The following MUC5B variants were observed in gnomAD, a reference collection of about 807,000 sequenced individuals.
The protein encoded by MUC5B is mucin-5B.
Under a neutral mutation model 376.9 loss-of-function variants are expected in MUC5B, and 116 were observed. That is an observed-to-expected ratio of 0.31 (90% CI 0.26 to 0.36). MUC5B has a LOEUF of 0.36. MUC5B is among the 10% of genes least tolerant of loss of function. MUC5B has a pLI of 1.00. For missense variants in MUC5B, 7,165 were observed against 7,769.9 expected (o/e 0.92, Z 2.93); for synonymous variants, 3,517 against 3,390.9 (o/e 1.04, Z -1.29).
chr11:1,240,355 G>A lies in MUC5B; in HGVS notation c.3950G>A (p.Trp1317Ter), dbSNP rs1181462206. 1 of 1,602,904 alleles carries A rather than the reference G, an allele frequency of 6.2e-7. No homozygotes were observed. The highest frequency in any genetic ancestry group is 8.5e-7 in the Non-Finnish European group (1 of 1,172,282). The change falls in exon 30 of 49, where the codon TGG (tryptophan) becomes TAG (stop). Residue 1317 changes from tryptophan to a stop codon, truncating the protein, a stop_gained. Transcript: ENST00000529681. LOFTEE classifies it high-confidence loss of function. ...ACGCCATTCACCTTCACCACCGCCT[G>A]GGTCCCCCACTCCACGACAAGTAAG... is the stretch of plus-strand genomic sequence containing the variant. Reference protein sequence around the residue: ...ATTPFTFTTAWVPHSTTSPAL... With the variant: ...ATTPFTFTTA
chr11:1,258,481 T>C lies in MUC5B; in HGVS notation c.16593+114T>C. The C allele has an allele frequency of 7.9e-7, 1 of 1,269,140 alleles. No homozygotes were observed. The highest frequency in any genetic ancestry group is 1.1e-6 in the Non-Finnish European group (1 of 914,900). 78.6% of individuals were successfully genotyped at this position (1,269,140 alleles called of 1,614,324 possible). On this transcript the variant is annotated intron_variant, in intron 43 of 48. Transcript: ENST00000529681. This position sits in a 1 kb window ranked among gnomAD's most constrained non-coding sequence, Gnocchi z 5.5. ...TTGACATTCCTGCCCTGAGGGCCGATCCGCACAGGGGCCCTGGACACGTCA... is the reference window on the plus strand; with the variant it reads ...TTGACATTCCTGCCCTGAGGGCCGACCCGCACAGGGGCCCTGGACACGTCA...
rs1446203816 is a variant in MUC5B at position 1,241,150 on chromosome 11, G to T, written c.4270G>T (p.Val1424Phe). 3.1e-6 allele frequency: 5 copies of T among 1,607,486 alleles called. No homozygotes were observed. The highest frequency in any genetic ancestry group is 4.2e-6 in the Non-Finnish European group (5 of 1,177,242). The change falls in exon 31 of 49, where the codon GTT (valine) becomes TTT (phenylalanine). Residue 1424 changes from valine to phenylalanine, a missense_variant. Val to Phe is a conservative substitution (Grantham distance 50). Coordinates refer to ENST00000529681, the MANE Select transcript of MUC5B (RefSeq NM_002458.3). ...PPLCHDYELR[V>F]LCCEYVPCGP... ...GCTCTGTCACGACTACGAGCTGCGG[G>T]TTCTCTGCTGCGAATACGTGCCCTG... is the stretch of plus-strand genomic sequence containing the variant.
At chr11:1,260,844 G>A in intron 48 of MUC5B, 116 bp downstream of exon 48, 1 of 732,182 alleles carries the variant, frequency 1.4e-6, no homozygotes. Context: ...GCTCCAGGAA[G>A]GAGGGAAGGG....
chr11:1,235,078 C>G lies in MUC5B; in HGVS notation c.2631-7C>G, dbSNP rs1862124966. The G allele has an allele frequency of 3.7e-6, 6 of 1,607,974 alleles. No individual in the cohort carries two copies. Among genetic ancestry groups the G allele is most frequent in the Admixed American group, 1.7e-5 (1 of 59,622 alleles). On this transcript the variant is annotated splice_region_variant and splice_polypyrimidine_tract_variant and intron_variant, in intron 21 of 48. Coordinates refer to ENST00000529681, the MANE Select transcript of MUC5B (RefSeq NM_002458.3). ...CTGTGAGCAGGCACCATTGTGGCCC[C>G]TTGCAGCACCTGCAGGAACCGGAGG...
At position 1,239,902 on chromosome 11, in the gene MUC5B, C is replaced by G; in HGVS notation, c.3687C>G (p.Asp1229Glu). The change falls in exon 28 of 49, where the codon GAC becomes GAG. Residue 1229 changes from aspartate (D) to glutamate (E), a missense_variant. Asp to Glu is a conservative substitution (Grantham distance 45). This residue lies in a region of MUC5B where 517 missense variants were observed against 545.3 expected (regional missense o/e 0.95). Transcript: ENST00000529681. ...GCYDKDGNYY[D>E]VGARVPTAEN... ...ACGACAAGGACGGAAACTACTATGA[C>G]GTCGGTGCAAGGGTCCCCACAGCGG... 1 of 1,613,324 alleles carries G rather than the reference C, an allele frequency of 6.2e-7. No individual in the cohort carries two copies. Among genetic ancestry groups the G allele is most frequent in the Non-Finnish European group, 8.5e-7 (1 of 1,179,734 alleles).
At position 1,244,333 on chromosome 11, in the gene MUC5B, T is replaced by G; in HGVS notation, c.7453T>G (p.Ser2485Ala). Residue 2485 changes from serine to alanine, a missense_variant, in exon 31 of 49, where the codon TCC becomes GCC. Ser to Ala is a moderately conservative substitution (Grantham distance 99). This residue lies in a region of MUC5B where 194 missense variants were observed against 268.5 expected (regional missense o/e 0.72). Transcript: ENST00000529681. The stretch of plus-strand genomic sequence containing the variant: ...GCCCACCGGATCCACGGCCACCGCC[T>G]CCTCCACCCAGGCAACTGCTGGCAC... ...TVPTGSTATA[S>A]STQATAGTPH... 6.3e-7 allele frequency: 1 copy of G among 1,596,944 alleles called. No homozygotes were observed. Among genetic ancestry groups the G allele is most frequent in the Non-Finnish European group, 8.5e-7 (1 of 1,171,498 alleles).
intron 35 of MUC5B, 67 bp from the exon 36 acceptor site, chr11:1,254,974 G>A: frequency 1.1e-6 from 1 of 891,974 alleles, no homozygotes; most frequent in Non-Finnish European, 1.8e-6. Flanking sequence ...GAATGAGTGG[G>A]GGAGGGGGGT....
chr11:1,236,449 C>T lies in MUC5B; in HGVS notation c.2944C>T (p.Pro982Ser). 1.2e-6 allele frequency: 2 copies of T among 1,612,838 alleles called. No homozygotes were observed. Among genetic ancestry groups the T allele is most frequent in the African/African-American group, 1.3e-5 (1 of 75,050 alleles). Residue 982 changes from proline (P) to serine (S), a missense_variant, in exon 24 of 49, where the codon CCA becomes TCA. Physicochemically the swap from Pro to Ser is moderately conservative, Grantham distance 74. Around this residue, in one of 31 missense-constraint regions of MUC5B, gnomAD observed 530 missense variants for 604.0 expected, o/e 0.88. Coordinates refer to ENST00000529681, the MANE Select transcript of MUC5B (RefSeq NM_002458.3). ...GGTGGCGAGAGGGCCGGGTGGGGAC[C>T]CACCCTACAAGATACGCTACATGGG... is the stretch of plus-strand genomic sequence containing the variant. ...KAVARGPGGD[P>S]PYKIRYMGIF...
At position 1,229,221 on chromosome 11, in the gene MUC5B, C is replaced by A; in HGVS notation, c.1028C>A (p.Thr343Lys). ...CACCAGGAGTGTGGCTCACCCTGCA[C>A]GGACACCTGCTCCAACCCCCAGCGC... ...MQHQECGSPC[T>K]DTCSNPQRAQ... Residue 343 changes from threonine to lysine, a missense_variant, in exon 9 of 49, where the codon ACG becomes AAG. By Grantham distance (78) the Thr-to-Lys change is moderately conservative. Coordinates refer to ENST00000529681, the MANE Select transcript of MUC5B (RefSeq NM_002458.3). 1 of 1,600,030 alleles carries A rather than the reference C, an allele frequency of 6.2e-7. No individual in the cohort carries two copies. The highest frequency in any genetic ancestry group is 8.5e-7 in the Non-Finnish European group (1 of 1,176,424).
rs1270023419 is a variant in MUC5B at position 1,243,341 on chromosome 11, G to T, written c.6461G>T (p.Gly2154Val). The change falls in exon 31 of 49, where the codon GGG becomes GTG. Residue 2154 changes from glycine (G) to valine (V), a missense_variant. Transcript: ENST00000529681. The part of the protein sequence containing the change: ...GSTTNPSSTP[G>V]TTPIPPVLTT... Reference sequence around the variant, plus strand: ...ACCACCAACCCCTCCTCAACTCCTGGGACAACTCCCATCCCCCCAGTGCTG... The same window carrying T: ...ACCACCAACCCCTCCTCAACTCCTGTGACAACTCCCATCCCCCCAGTGCTG... 6.4e-7 allele frequency: 1 copy of T among 1,556,984 alleles called. No individual in the cohort carries two copies. Among genetic ancestry groups the T allele is most frequent in the Non-Finnish European group, 8.7e-7 (1 of 1,150,806 alleles).
chr11:1,251,092 C>T lies in MUC5B; in HGVS notation c.14212C>T (p.Leu4738=), dbSNP rs781388885. ...AAGGACTGCAACCACCCTTCCAGTG[C>T]TGACAAGCACAGCCACAAAATCCAC... ...SPRTATTLPV[L]TSTATKSTAT... is the part of the protein sequence containing the mutation. Residue 4738 remains leucine (L), a synonymous_variant, in exon 31 of 49, where the codon CTG becomes TTG. Transcript: ENST00000529681. The T allele has an allele frequency of 1.9e-6, 3 of 1,611,270 alleles. No homozygotes were observed. The highest frequency in any genetic ancestry group is 1.7e-6 in the Non-Finnish European group (2 of 1,178,294).
Position 1,223,175 on chromosome 11 carries a change from C to T in MUC5B, c.52C>T (p.Leu18Phe). Residue 18 changes from leucine (L) to phenylalanine (F), a missense_variant, in exon 1 of 49, where the codon CTC (leucine) becomes TTC (phenylalanine). Leu to Phe is a conservative substitution (Grantham distance 22). Coordinates refer to ENST00000529681, the MANE Select transcript of MUC5B (RefSeq NM_002458.3). ...GCTGGTGTTGGCTCTGGCGGCCATG[C>T]TCGTGGTGCCGCAGGCAGGTAAGAG... Reference protein sequence around the residue: ...RTLVLALAAMLVVPQAETQGP... With the variant: ...RTLVLALAAMFVVPQAETQGP... 1.4e-6 allele frequency: 1 copy of T among 710,952 alleles called. No individual in the cohort carries two copies. 44.0% of individuals were successfully genotyped at this position (710,952 alleles called of 1,614,324 possible).
At position 1,241,476 on chromosome 11, in the gene MUC5B, G is replaced by C. The variant is rs748939117; in HGVS notation, c.4596G>C (p.Lys1532Asn). The change falls in exon 31 of 49, where the codon AAG (lysine) becomes AAC (asparagine). Residue 1532 changes from lysine (K) to asparagine (N), a missense_variant. By Grantham distance (94) the Lys-to-Asn change is moderately conservative (BLOSUM62 0). Coordinates refer to ENST00000529681, the MANE Select transcript of MUC5B (RefSeq NM_002458.3). ...QLGGDVESYD[K>N]IRAAGGHLCQ... The stretch of plus-strand genomic sequence containing the variant: ...GAGGGGACGTTGAGTCCTACGATAA[G>C]ATCAGGGCCGCTGGAGGGCACTTAT... 1.2e-6 allele frequency: 2 copies of C among 1,613,646 alleles called. No homozygotes were observed. Among genetic ancestry groups the C allele is most frequent in the South Asian group, 2.2e-5 (2 of 91,070 alleles).
Position 1,248,582 on chromosome 11 carries a change from G to C in MUC5B, c.11702G>C (p.Gly3901Ala). ...ISTTTTPTTSGSTVTPSSVPG... is the reference protein window; with the variant it reads ...ISTTTTPTTSASTVTPSSVPG... ...ACAACCACCACACCCACAACCAGTG[G>C]CTCCACGGTGACCCCCTCCTCCGTC... Residue 3901 changes from glycine (G) to alanine (A), a missense_variant, in exon 31 of 49, where the codon GGC (glycine) becomes GCC (alanine). Around this residue, in one of 31 missense-constraint regions of MUC5B, gnomAD observed 242 missense variants for 199.0 expected, o/e 1.22. Transcript: ENST00000529681. 1 of 1,612,790 alleles carries C rather than the reference G, an allele frequency of 6.2e-7. No individual in the cohort carries two copies. Among genetic ancestry groups the C allele is most frequent in the Non-Finnish European group, 8.5e-7 (1 of 1,179,382 alleles).
In MUC5B at chr11:1,248,488, A is replaced by G; in HGVS notation, c.11608A>G (p.Thr3870Ala). The change falls in exon 31 of 49, where the codon ACC (threonine) becomes GCC (alanine). Residue 3870 changes from threonine (T) to alanine (A), a missense_variant. This residue lies in a region of MUC5B where 242 missense variants were observed against 199.0 expected (regional missense o/e 1.22). Transcript: ENST00000529681. ...CACTACCAAAGTGCCGACTACCACAACCACGGGCTTCACAGTCACCCCCTC... is the reference window on the plus strand; with the variant it reads ...CACTACCAAAGTGCCGACTACCACAGCCACGGGCTTCACAGTCACCCCCTC... ...AHTTKVPTTTTTGFTVTPSSS... is the reference protein window; with the variant it reads ...AHTTKVPTTTATGFTVTPSSS... 6.2e-7 allele frequency: 1 copy of G among 1,610,738 alleles called. No individual in the cohort carries two copies. The highest frequency in any genetic ancestry group is 1.1e-5 in the South Asian group (1 of 90,950).
rs556368529 is a variant in MUC5B, at chr11:1,227,797, C to T, written c.774+16C>T. On this transcript the variant is annotated intron_variant, in intron 7 of 48. Coordinates refer to ENST00000529681, the MANE Select transcript of MUC5B (RefSeq NM_002458.3). ...CACGGACGAGGTGAGTCCCCCGCCA[C>T]CCCCAGCTCCTGGGCAGGGACGGCC... is the stretch of plus-strand genomic sequence containing the variant. 1.9e-4 allele frequency: 129 copies of T among 696,922 alleles called. No homozygotes were observed. The highest frequency in any genetic ancestry group is 1.6e-3 in the South Asian group (104 of 66,856). 43.2% of individuals were successfully genotyped at this position (696,922 alleles called of 1,614,324 possible).
chr11:1,241,147 C>A lies in MUC5B; in HGVS notation c.4267C>A (p.Arg1423=), dbSNP rs773760344. 10 of 1,608,250 alleles carry A rather than the reference C, an allele frequency of 6.2e-6. No homozygotes were observed. The African/African-American group carries it at 8.0e-5, about 13-fold the overall frequency. ...CCCGCTCTGTCACGACTACGAGCTGCGGGTTCTCTGCTGCGAATACGTGCC... is the reference window on the plus strand; with the variant it reads ...CCCGCTCTGTCACGACTACGAGCTGAGGGTTCTCTGCTGCGAATACGTGCC... ...SPPLCHDYEL[R]VLCCEYVPCG... The change falls in exon 31 of 49, where the codon CGG becomes AGG. Residue 1423 remains arginine, a synonymous_variant. Transcript: ENST00000529681.
rs761732321 is a variant in MUC5B, at chr11:1,231,000, C to T, written c.1535C>T (p.Ser512Leu). Residue 512 changes from serine to leucine, a missense_variant, in exon 13 of 49, where the codon TCG (serine) becomes TTG (leucine). Ser to Leu is a moderately radical substitution (Grantham distance 145, BLOSUM62 -2). Transcript: ENST00000529681. ...LNSIYTQLPL[S>L]AANITLFTPS... is the part of the protein sequence containing the mutation. ...TCCATCTACACGCAGCTGCCCCTGT[C>T]GGCAGGTATGTGGCTCTCCCAGGAC... The T allele has an allele frequency of 1.1e-5, 17 of 1,592,420 alleles. No homozygotes were observed. The Admixed American group carries it at 1.2e-4, about 11-fold the overall frequency.
At position 1,225,670 on chromosome 11, in the gene MUC5B, T is replaced by C; in HGVS notation, c.71-11T>C. On this transcript the variant is annotated splice_polypyrimidine_tract_variant and intron_variant, in intron 1 of 48. Coordinates refer to ENST00000529681, the MANE Select transcript of MUC5B (RefSeq NM_002458.3). The stretch of plus-strand genomic sequence containing the variant: ...TAGTTCCTCACTGACTCCCATTCCC[T>C]CTTCCCACAGAGACCCAGGGCCCTG... 6.3e-7 allele frequency: 1 copy of C among 1,594,340 alleles called. No homozygotes were observed. Among genetic ancestry groups the C allele is most frequent in the South Asian group, 1.1e-5 (1 of 87,802 alleles).
Sources: allele counts gnomAD v4.1 joint callset, GRCh38; gene constraint gnomAD v4.1.1; regional missense constraint gnomAD v4.1.1; non-coding constraint Gnocchi (gnomAD v3.1); transcripts MANE v1.5; gene names NCBI Gene and HGNC (gene_info 2026-07-23, HGNC 2026-07-21).